The following LINGO2 variants were observed in gnomAD, a reference collection of about 807,000 sequenced individuals.
The protein encoded by LINGO2 is leucine-rich repeat and immunoglobulin-like domain-containing nogo receptor-interacting protein 2.
A neutral mutation model predicts 30.6 loss-of-function variants in LINGO2; 14 were observed. The observed-to-expected ratio is 0.46, with a 90% CI of 0.30 to 0.72. The LOEUF is 0.72. Ranked by LOEUF, LINGO2 falls within the 30% of genes least tolerant of loss-of-function variation. The probability of loss-of-function intolerance (pLI) is 0.07; values close to 1 mark genes in which losing one functional copy is unlikely to be tolerated. For missense variants in LINGO2, 729 were observed against 751.7 expected (o/e 0.97, Z 0.35); for synonymous variants, 317 against 288.5 (o/e 1.10, Z -1.00).
At chr9:28,315,768 C>G (rs1049410082) in intron 3 of LINGO2, among the ~76,000 whole-genome samples, 24 of 152,232 alleles carry the variant, frequency 1.6e-4, no homozygotes, top group Non-Finnish European at 1.3e-4. Flanking sequence ...CATTTATATA[C>G]TCAAATTTTA....
chr9:29,179,158 AATATATATATATAT>A, the LINGO2 span, among the ~76,000 whole-genome samples: 18,763 of 101,504 alleles, frequency 0.18, 1,925 homozygotes, highest in East Asian at 0.29. Context: ...TCTTACTGTA[AATATATATATATAT>A]ATATATATAT....
intron 1 of LINGO2, among the ~76,000 whole-genome samples, chr9:28,600,771 T>G (rs921384745): frequency 6.6e-6 from 1 of 152,078 alleles, no homozygotes. Flanking sequence ...TTGAACTGCA[T>G]AGAGGCACGA....
intron 4 of LINGO2, among the ~76,000 whole-genome samples, chr9:28,122,814 C>T (rs536861179): frequency 9.2e-5 from 14 of 152,182 alleles, no homozygotes; most frequent in African/African-American, 3.1e-4. Flanking sequence ...ATTTTGAGAG[C>T]TTTATGTTTT....
the LINGO2 span, among the ~76,000 whole-genome samples, chr9:28,874,085 G>A: frequency 1.3e-5 from 2 of 151,892 alleles, no homozygotes; most frequent in South Asian, 4.1e-4. Flanking sequence ...GTCATCTGCT[G>A]GCCCATATCA....
At chr9:28,880,167 G>C in the LINGO2 span, among the ~76,000 whole-genome samples, 1 of 152,122 alleles carries the variant, frequency 6.6e-6, no homozygotes, top group African/African-American at 2.4e-5. Flanking sequence ...GGAGTGCAGT[G>C]GCACGATCTT....
At position 28,170,405 on chromosome 9, in the gene LINGO2, G is replaced by A. The variant is rs148990900; in HGVS notation, c.-87+124803C>T. 4.4e-3 allele frequency among the ~76,000 whole-genome samples: 670 copies of A among 152,258 alleles called. 3 individuals carry two copies. Among genetic ancestry groups the A allele is most frequent in the South Asian group, 9.9e-3 (48 of 4,826 alleles). On this transcript the variant is annotated intron_variant, in intron 4 of 5. Coordinates refer to ENST00000379992, the Ensembl canonical transcript of LINGO2. ...GCTATCCACTGAGGCTATTTCAGTG[G>A]CAGGAAAACAGCTAGAAAATGTAAA...
At chr9:29,176,410 G>C in the LINGO2 span, among the ~76,000 whole-genome samples, 1 of 152,188 alleles carries the variant, frequency 6.6e-6, no homozygotes, top group Admixed American at 6.5e-5. Flanking sequence ...GTAAGGACAT[G>C]TGTTTCCCTC....
At chr9:28,701,645 C>T in the LINGO2 span, among the ~76,000 whole-genome samples, 4 of 151,806 alleles carry the variant, frequency 2.6e-5, no homozygotes, top group Non-Finnish European at 5.9e-5. Context: ...TTTCCATATA[C>T]ATTTTAAAAT....
chr9:28,860,443 C>T, the LINGO2 span, among the ~76,000 whole-genome samples: 1 of 151,978 alleles, frequency 6.6e-6, no homozygotes, highest in Non-Finnish European at 1.5e-5. Context: ...TTAGATTGCA[C>T]TTGGACTTGA....
chr9:28,340,410 A>G (rs1413192756), intron 3 of LINGO2, among the ~76,000 whole-genome samples: 1 of 152,264 alleles, frequency 6.6e-6, no homozygotes, highest in Middle Eastern at 3.4e-3. Flanking sequence ...TCGAGAACAC[A>G]TTACATTCTT....
At chr9:28,897,336 C>T in the LINGO2 span, among the ~76,000 whole-genome samples, 2 of 152,120 alleles carry the variant, frequency 1.3e-5, no homozygotes, top group Non-Finnish European at 2.9e-5. Context: ...TAAGTTTATA[C>T]ATCACATCAT....
chr9:28,392,097 G>A (rs552369347), intron 2 of LINGO2, among the ~76,000 whole-genome samples: 2 of 152,138 alleles, frequency 1.3e-5, no homozygotes, highest in African/African-American at 2.4e-5. Context: ...CGGTTACTCG[G>A]GAGGCTGAGG....
chr9:28,841,510 C>G, the LINGO2 span, among the ~76,000 whole-genome samples: 1 of 151,480 alleles, frequency 6.6e-6, no homozygotes, highest in Non-Finnish European at 1.5e-5. Flanking sequence ...ATGAACAAAA[C>G]AGATAAAAAT....
chr9:29,079,996 TA>T, the LINGO2 span, among the ~76,000 whole-genome samples: 1 of 152,078 alleles, frequency 6.6e-6, no homozygotes, highest in Non-Finnish European at 1.5e-5. Flanking sequence ...CAGGAAAATG[TA>T]AGAAACTATG....
At chr9:28,943,300 A>G in the LINGO2 span, among the ~76,000 whole-genome samples, 32 of 152,254 alleles carry the variant, frequency 2.1e-4, no homozygotes, top group African/African-American at 7.2e-4. Flanking sequence ...ACATTCTTTG[A>G]CTACTATGGG....
At chr9:28,214,453 T>C (rs1203587317) in intron 4 of LINGO2, among the ~76,000 whole-genome samples, 1 of 151,602 alleles carries the variant, frequency 6.6e-6, no homozygotes, top group Non-Finnish European at 1.5e-5. Context: ...TTCCAACTAT[T>C]GAATTCCATT....
chr9:28,950,755 C>T, the LINGO2 span, among the ~76,000 whole-genome samples: 1 of 152,028 alleles, frequency 6.6e-6, no homozygotes, highest in East Asian at 1.9e-4. Flanking sequence ...AGGACACAAA[C>T]AAATAGAAAA....
At chr9:29,108,289 T>C in the LINGO2 span, among the ~76,000 whole-genome samples, 14 of 152,154 alleles carry the variant, frequency 9.2e-5, no homozygotes, top group Admixed American at 5.2e-4. Flanking sequence ...CAATTAGTAA[T>C]TGGAAGACTA....
At chr9:28,382,524 T>C (rs992919300) in intron 2 of LINGO2, among the ~76,000 whole-genome samples, 2 of 152,144 alleles carry the variant, frequency 1.3e-5, no homozygotes, top group East Asian at 3.8e-4. Flanking sequence ...ACACATTTCA[T>C]GTTTCCTGTG....
Sources: allele counts gnomAD v4.1 joint callset (sites outside exome capture counted in the v4.1 genomes callset), GRCh38; gene constraint gnomAD v4.1.1; transcripts MANE v1.5; gene names NCBI Gene and HGNC (gene_info 2026-07-23, HGNC 2026-07-21).